Variants in MBTPS1 observed in about 807,000 individuals in gnomAD.
The protein encoded by MBTPS1 is membrane-bound transcription factor site-1 protease.
Under a neutral mutation model 127.8 loss-of-function variants are expected in MBTPS1, and 94 were observed. The ratio of observed to expected loss-of-function variants is 0.74; its 90% CI spans 0.62 to 0.87. The LOEUF is 0.87. Among genes scored for constraint, MBTPS1 ranks in the 40% least tolerant of loss-of-function variants. MBTPS1 has a pLI of 0.00. For synonymous variants in MBTPS1, 632 were observed against 509.4 expected, an observed-to-expected ratio of 1.24 and a Z score of -3.24; for missense variants, 1,636 against 1,353.2, an observed-to-expected ratio of 1.21 and a Z score of -3.28.
intron 6 of MBTPS1, among the ~76,000 whole-genome samples, chr16:84,092,909 G>A (rs1260918392): frequency 1.3e-5 from 2 of 152,206 alleles, no homozygotes; most frequent in Non-Finnish European, 2.9e-5. Flanking sequence ...GGGGAAGCCT[G>A]GAGGTAGAGA....
rs138023800 is a variant in MBTPS1 at position 84,059,466 on chromosome 16, T to C, written c.2705-38A>G. On this transcript the variant is annotated intron_variant, in intron 20 of 22. Transcript: ENST00000343411. Reference sequence around the variant, plus strand: ...GCAACATCAACAAAAAGGAAAATCATCTCTATTACTAAAATGCAAAGGAAA... The same window carrying C: ...GCAACATCAACAAAAAGGAAAATCACCTCTATTACTAAAATGCAAAGGAAA... 1.6e-4 allele frequency: 250 copies of C among 1,594,222 alleles called. 1 individual carries two copies. In the East Asian group the frequency reaches 5.5e-3, roughly 35 times the overall value.
At position 84,059,343 on chromosome 16, in the gene MBTPS1, C is replaced by A. The variant is rs777743370; in HGVS notation, c.2790G>T (p.Leu930Phe). The A allele has an allele frequency of 6.2e-7, 1 of 1,614,120 alleles. No individual in the cohort carries two copies. The highest frequency in any genetic ancestry group is 1.1e-5 in the South Asian group (1 of 91,070). ...KPRPLPACPR[L>F]SWAKPQPLNE... ...TTAAAGGCTGTGGCTTGGCCCAAGA[C>A]AAGCGTGGACAGGCTGGTAGAGGCC... Residue 930 changes from leucine (L) to phenylalanine (F), a missense_variant, in exon 21 of 23, where the codon TTG becomes TTT. Physicochemically the swap from Leu to Phe is conservative, Grantham distance 22. Coordinates refer to ENST00000343411, the MANE Select transcript of MBTPS1 (RefSeq NM_003791.4).
chr16:84,069,988 C>G lies in MBTPS1; in HGVS notation c.1833G>C (p.Val611=). The G allele has an allele frequency of 6.2e-7, 1 of 1,614,108 alleles. No homozygotes were observed. The highest frequency in any genetic ancestry group is 8.5e-7 in the Non-Finnish European group (1 of 1,180,004). The change falls in exon 14 of 23, where the codon GTG becomes GTC. Residue 611 remains valine (V), a synonymous_variant. Coordinates refer to ENST00000343411, the MANE Select transcript of MBTPS1 (RefSeq NM_003791.4). Reference sequence around the variant, plus strand: ...TTCGCGGGGGAGTAGGAATTATCTTCACCTTAATGGGGAGCTTTACTGTTG... The same window carrying G: ...TTCGCGGGGGAGTAGGAATTATCTTGACCTTAATGGGGAGCTTTACTGTTG... The part of the protein sequence containing the change: ...QTSTVKLPIK[V]KIIPTPPRSK...
At chr16:84,093,854 T>C (rs1597340165) in intron 4 of MBTPS1, 33 bp from the exon 5 acceptor site, 4 of 1,408,980 alleles carry the variant, frequency 2.8e-6, no homozygotes, top group Non-Finnish European at 4.0e-6. Context: ...CACAATTATG[T>C]TTGAAGAAAT....
intron 16 of MBTPS1, among the ~76,000 whole-genome samples, 186 bp from the exon 17 acceptor site, chr16:84,066,799 T>C (rs2085690820): frequency 6.6e-6 from 1 of 152,220 alleles, no homozygotes; most frequent in South Asian, 2.1e-4. Flanking sequence ...GGCTGATGTG[T>C]AGAATTAATT....
chr16:84,060,655 C>G, intron 20 of MBTPS1, 27 bp downstream of exon 20: 1 of 1,606,828 alleles, frequency 6.2e-7, no homozygotes, highest in South Asian at 1.1e-5. Context: ...CAATTCCCTC[C>G]CCAAGGCATC....
intron 20 of MBTPS1, 84 bp downstream of exon 20, chr16:84,060,598 T>A: frequency 1.3e-6 from 2 of 1,511,908 alleles, no homozygotes; most frequent in Non-Finnish European, 1.8e-6. Context: ...CCCCACTTGC[T>A]GGCAGGCACA....
intron 8 of MBTPS1, among the ~76,000 whole-genome samples, chr16:84,089,926 A>G (rs148882419): frequency 6.6e-6 from 1 of 152,224 alleles, no homozygotes; most frequent in East Asian, 1.9e-4. Context: ...GGTGTTTGTC[A>G]TGGCAGAGCT....
chr16:84,093,322 C>T, intron 5 of MBTPS1, 25 bp from the exon 6 acceptor site: 3 of 1,449,498 alleles, frequency 2.1e-6, no homozygotes, highest in Non-Finnish European at 1.9e-6. Flanking sequence ...GAAAACAATC[C>T]CATAAAACAC....
intron 16 of MBTPS1, among the ~76,000 whole-genome samples, chr16:84,066,851 C>G (rs543601904): frequency 6.6e-6 from 1 of 152,036 alleles, no homozygotes; most frequent in Non-Finnish European, 1.5e-5. Context: ...AGTACTTTAC[C>G]GAAATGCACC....
At chr16:84,062,736 G>A (rs2085631658) in intron 19 of MBTPS1, among the ~76,000 whole-genome samples, 2 of 152,154 alleles carry the variant, frequency 1.3e-5, no homozygotes, top group African/African-American at 4.8e-5. Context: ...AAATCCAACG[G>A]ATGCATCGAG....
chr16:84,107,352 G>A (rs1278350068), intron 1 of MBTPS1, among the ~76,000 whole-genome samples: 2 of 152,168 alleles, frequency 1.3e-5, no homozygotes, highest in African/African-American at 2.4e-5. Context: ...CTGGAAGGAA[G>A]GTGCCTTCAA....
intron 1 of MBTPS1, among the ~76,000 whole-genome samples, chr16:84,106,074 C>T (rs952891234): frequency 2.0e-5 from 3 of 152,132 alleles, no homozygotes; most frequent in Non-Finnish European, 4.4e-5. Context: ...GCGGGTGGAT[C>T]ACCTGAGGCC....
In MBTPS1 at chr16:84,075,001, T is replaced by C. The variant is rs116297583; in HGVS notation, c.1449-260A>G. The C allele has an allele frequency of 2.4e-3, 696 of 288,892 alleles. 4 individuals are homozygous for C. Among genetic ancestry groups the C allele is most frequent in the African/African-American group, 0.014 (647 of 45,674 alleles). 17.9% of individuals were successfully genotyped at this position (288,892 alleles called of 1,614,324 possible). ...TGCAAGTCTGGAGCTTTGGGAGTTG[T>C]CACTGGCAGAGAATGAGTACGTGAC... is the stretch of plus-strand genomic sequence containing the variant. On this transcript the variant is annotated intron_variant, in intron 11 of 22. Coordinates refer to ENST00000343411, the MANE Select transcript of MBTPS1 (RefSeq NM_003791.4).
chr16:84,090,912 T>G lies in MBTPS1; in HGVS notation c.994A>C (p.Met332Leu), dbSNP rs763317067. ...CCGTCATTGCCAATAGCAGAAACCA[T>G]GATTACATTGTTAGCTGTTAATTCC... ...VWELTANNVI[M>L]VSAIGNDGPL... Residue 332 changes from methionine to leucine, a missense_variant, in exon 8 of 23, where the codon ATG becomes CTG. By Grantham distance (15) the Met-to-Leu change is conservative. Coordinates refer to ENST00000343411, the MANE Select transcript of MBTPS1 (RefSeq NM_003791.4). 6 of 1,612,854 alleles carry G rather than the reference T, an allele frequency of 3.7e-6. 1 individual carries two copies. Among genetic ancestry groups the G allele is most frequent in the Middle Eastern group, 1.7e-4 (1 of 6,058 alleles).
chr16:84,106,261 C>A lies in MBTPS1; in HGVS notation c.-324-4154G>T, dbSNP rs534270165. Among the ~76,000 whole-genome samples, 10 of 152,300 alleles carry A rather than the reference C, an allele frequency of 6.6e-5. No homozygotes were observed. In the South Asian group the frequency reaches 8.3e-4, roughly 13 times the overall value. On this transcript the variant is annotated intron_variant, in intron 1 of 22. Coordinates refer to ENST00000343411, the MANE Select transcript of MBTPS1 (RefSeq NM_003791.4). The stretch of plus-strand genomic sequence containing the variant: ...AGTGAGTTGAGATCGTGCCACTACA[C>A]TCCAGCCTGGGCAACAAGAGCAAAA...
Position 84,099,217 on chromosome 16 carries a change from C to T in MBTPS1, c.257G>A (p.Arg86Lys), listed in dbSNP as rs1385358442. ...ALKSSEVDNWRIIPRNNPSSD... is the reference protein window; with the variant it reads ...ALKSSEVDNWKIIPRNNPSSD... Reference sequence around the variant, plus strand: ...GGATGGATTGTTTCGAGGTATAATTCTCCAATTGTCTACTTCACTGCTCTT... The same window carrying T: ...GGATGGATTGTTTCGAGGTATAATTTTCCAATTGTCTACTTCACTGCTCTT... Residue 86 changes from arginine to lysine, a missense_variant, in exon 3 of 23, where the codon AGA (arginine) becomes AAA (lysine). Arg to Lys is a conservative substitution (Grantham distance 26). Transcript: ENST00000343411. The T allele has an allele frequency of 3.7e-6, 6 of 1,614,140 alleles. No homozygotes were observed. Among genetic ancestry groups the T allele is most frequent in the Non-Finnish European group, 5.1e-6 (6 of 1,180,000 alleles).
At chr16:84,105,114 AT>A (rs1305620699) in intron 1 of MBTPS1, among the ~76,000 whole-genome samples, 55 of 152,116 alleles carry the variant, frequency 3.6e-4, no homozygotes, top group African/African-American at 1.1e-3. Context: ...AAAAAAAAAA[AT>A]AAATAAATGA....
intron 12 of MBTPS1, among the ~76,000 whole-genome samples, chr16:84,072,630 A>C (rs991108659): frequency 5.9e-5 from 9 of 152,204 alleles, no homozygotes; most frequent in Non-Finnish European, 1.2e-4. Context: ...CTCTACTAAA[A>C]ATACAAAAAA....
Sources: gnomAD v4.1 joint callset for allele counts (sites outside exome capture counted in the v4.1 genomes callset) on GRCh38, gnomAD v4.1.1 for gene constraint, MANE v1.5 for transcripts, NCBI Gene and HGNC (gene_info 2026-07-23, HGNC 2026-07-21) for gene names.